The following MBNL3 variants were observed in gnomAD, a reference collection of about 807,000 sequenced individuals.
MBNL3 encodes muscleblind like splicing regulator 3, also known as muscleblind-like protein 3.
In MBNL3, 6 loss-of-function variants were observed where a neutral mutation model predicts 24.5. The ratio of observed to expected loss-of-function variants is 0.25; its 90% CI spans 0.13 to 0.48. The LOEUF is 0.48. MBNL3 is among the 20% of genes least tolerant of loss of function. The pLI, the probability that MBNL3 is intolerant of heterozygous loss-of-function variation, is 0.99. For synonymous variants in MBNL3, 100 were observed against 101.7 expected, an observed-to-expected ratio of 0.98 and a Z score of 0.10; for missense variants, 230 against 293.5, an observed-to-expected ratio of 0.78 and a Z score of 1.58.
chrX:132,400,566 T>C (rs907263230), intron 3 of MBNL3, among the ~76,000 whole-genome samples: 7 of 111,490 alleles, frequency 6.3e-5, no homozygotes, highest in Admixed American at 5.7e-4. Context: ...CGAATATATT[T>C]TGCAAATTTT....
At position 132,393,371 on chromosome X, in the gene MBNL3, TA is replaced by T. The variant is rs765283254; in HGVS notation, c.343-1038del. 3.1e-3 allele frequency among the ~76,000 whole-genome samples: 304 copies of T among 96,727 alleles called. 2 individuals carry two copies. In the Middle Eastern group the frequency reaches 0.049, roughly 15 times the overall value. The allele number at this position is 96,727 out of a possible 115,157, so 84.0% of individuals were successfully genotyped here. ...ATGGTACACAAACTAGAGTAACTTGTAAAAAAAAAAAAAACCTCAGAAATGC... is the reference window on the plus strand; with the variant it reads ...ATGGTACACAAACTAGAGTAACTTGTAAAAAAAAAAAAACCTCAGAAATGC... On this transcript the variant is annotated intron_variant, in intron 3 of 8. Transcript: ENST00000370853.
At chrX:132,408,750 AAG>A (rs1030015124) in intron 2 of MBNL3, among the ~76,000 whole-genome samples, 6 of 112,353 alleles carry the variant, frequency 5.3e-5, no homozygotes, top group Non-Finnish European at 9.4e-5. Context: ...AATAGAAAAA[AAG>A]AGAATTACAC....
chrX:132,382,838 T>C (rs1935267715), intron 7 of MBNL3, among the ~76,000 whole-genome samples: 1 of 111,799 alleles, frequency 8.9e-6, no homozygotes, highest in Non-Finnish European at 1.9e-5. Flanking sequence ...TGGTATGTGG[T>C]AGGGGGGCAG....
chrX:132,450,392 T>C (rs1946034466), intron 1 of MBNL3, among the ~76,000 whole-genome samples: 1 of 111,616 alleles, frequency 9.0e-6, no homozygotes, highest in African/African-American at 3.3e-5. Flanking sequence ...AATCTTGTCT[T>C]CACGCTTTAT....
At chrX:132,455,833 G>T (rs1946344061) in intron 1 of MBNL3, among the ~76,000 whole-genome samples, 1 of 112,080 alleles carries the variant, frequency 8.9e-6, no homozygotes, top group South Asian at 3.7e-4. Context: ...GCAATCGCTT[G>T]CTTCTGAGTT....
At chrX:132,439,208 T>C (rs938442835) in intron 2 of MBNL3, among the ~76,000 whole-genome samples, 2 of 111,839 alleles carry the variant, frequency 1.8e-5, no homozygotes, top group Admixed American at 9.5e-5. Context: ...TTTGGTGGAA[T>C]GAGCTTTAGA....
chrX:132,422,460 A>T (rs1052919765), intron 2 of MBNL3, among the ~76,000 whole-genome samples: 7 of 111,907 alleles, frequency 6.3e-5, no homozygotes, highest in African/African-American at 2.3e-4. Context: ...CAACAGAACT[A>T]AACTACACTA....
chrX:132,377,156 C>T lies in MBNL3; in HGVS notation c.*2510G>A, dbSNP rs1934225190. On this transcript the variant is annotated 3_prime_UTR_variant, in exon 9 of 9. Coordinates refer to ENST00000370853, the MANE Select transcript of MBNL3 (RefSeq NM_001386889.1). ...ATTTTGCACAAAAAAGTTCTTGTCT[C>T]CTTTAAGGAATATATCCAGACTAGC... is the stretch of plus-strand genomic sequence containing the variant. 2 of 111,671 alleles carry T rather than the reference C, an allele frequency of 1.8e-5. No individual in the cohort carries two copies. Among genetic ancestry groups the T allele is most frequent in the Non-Finnish European group, 3.8e-5 (2 of 53,047 alleles). The allele number at this position is 111,671 out of a possible 1,213,427, so 9.2% of individuals were successfully genotyped here. A position where few individuals can be genotyped will look rare whatever the true frequency, so the allele number is the denominator to read the frequency against.
intron 2 of MBNL3, among the ~76,000 whole-genome samples, chrX:132,407,076 G>A (rs746340436): frequency 8.9e-6 from 1 of 112,043 alleles, no homozygotes; most frequent in South Asian, 3.7e-4. Flanking sequence ...CTGAATTCCC[G>A]AGAGAAAAAT....
At chrX:132,489,600 G>A (rs1172511629), upstream of MBNL3, among the ~76,000 whole-genome samples, 3 of 112,044 alleles carry the variant, frequency 2.7e-5, no homozygotes, top group African/African-American at 9.7e-5. Context: ...GGCTGGGGCC[G>A]CGCCTCCGTG....
chrX:132,463,685 A>T lies in MBNL3; in HGVS notation c.-703-23371T>A, dbSNP rs769395098. On this transcript the variant is annotated intron_variant, in intron 1 of 8. Coordinates refer to ENST00000370853, the MANE Select transcript of MBNL3 (RefSeq NM_001386889.1). The stretch of plus-strand genomic sequence containing the variant: ...AATAAGGAGTTTCGCACACAATTTT[A>T]AAAAAAAGTATCCCATAAAATGTTA... 2.6e-3 allele frequency among the ~76,000 whole-genome samples: 288 copies of T among 111,325 alleles called. 1 individual carries two copies. Among genetic ancestry groups the T allele is most frequent in the Non-Finnish European group, 3.8e-3 (200 of 53,036 alleles).
chrX:132,480,961 T>C (rs1039003150), intron 1 of MBNL3, among the ~76,000 whole-genome samples: 1 of 110,973 alleles, frequency 9.0e-6, no homozygotes, highest in African/African-American at 3.3e-5. Context: ...ATACAGTTCA[T>C]AAAATATACA....
chrX:132,437,258 A>G (rs1367505216), intron 2 of MBNL3, among the ~76,000 whole-genome samples: 1 of 111,553 alleles, frequency 9.0e-6, no homozygotes, highest in Non-Finnish European at 1.9e-5. Flanking sequence ...AAGGAACTCT[A>G]TATCAGAGTA....
At chrX:132,380,093 T>C (rs1473209751) in intron 8 of MBNL3, among the ~76,000 whole-genome samples, 1 of 112,473 alleles carries the variant, frequency 8.9e-6, no homozygotes, top group African/African-American at 3.2e-5. Flanking sequence ...CATGCAGAAG[T>C]AGCCTACCTG....
chrX:132,484,544 C>T (rs189035355), intron 1 of MBNL3, among the ~76,000 whole-genome samples: 10 of 111,324 alleles, frequency 9.0e-5, no homozygotes, highest in Non-Finnish European at 9.4e-5. Flanking sequence ...TTCAAGAATC[C>T]AATGTGGACA....
intron 2 of MBNL3, chrX:132,432,926 TCA>T (rs1321513505): frequency 9.0e-6 from 1 of 111,138 alleles, no homozygotes; most frequent in African/African-American, 3.3e-5. Context: ...TTGCCAGGAC[TCA>T]CAGACTCAAT....
intron 3 of MBNL3, among the ~76,000 whole-genome samples, chrX:132,393,048 G>C (rs1380456205): frequency 4.5e-5 from 5 of 111,231 alleles, no homozygotes; most frequent in Non-Finnish European, 3.8e-5. Context: ...GAGATATTTT[G>C]ATACAGGCAT....
intron 1 of MBNL3, among the ~76,000 whole-genome samples, chrX:132,477,002 C>A (rs1603270882): frequency 1.8e-5 from 2 of 111,816 alleles, no homozygotes; most frequent in East Asian, 2.8e-4. Flanking sequence ...GCAAAGGTAT[C>A]CTATAACCCC....
At chrX:132,472,208 C>T (rs181785562) in intron 1 of MBNL3, among the ~76,000 whole-genome samples, 42 of 111,679 alleles carry the variant, frequency 3.8e-4, no homozygotes, top group African/African-American at 1.4e-3. Context: ...CAAATTCCTG[C>T]CAAGAAAAGA....
Sources: gnomAD v4.1 joint callset for allele counts (sites outside exome capture counted in the v4.1 genomes callset) on GRCh38, gnomAD v4.1.1 for gene constraint, MANE v1.5 for transcripts, NCBI Gene and HGNC (gene_info 2026-07-23, HGNC 2026-07-21) for gene names.